The following SUPT3H variants were observed in gnomAD, a reference collection of about 807,000 sequenced individuals.
SUPT3H encodes SPT3 homolog, SAGA and STAGA complex component.
In SUPT3H, 44 loss-of-function variants were observed where a neutral mutation model predicts 44.3. The observed-to-expected ratio is 0.99, with a 90% confidence interval of 0.78 to 1.28. The LOEUF (loss-of-function observed/expected upper bound fraction) is 1.28. Ranked by LOEUF, SUPT3H falls within the 50% of genes most tolerant of loss-of-function variation. The probability of loss-of-function intolerance (pLI) is 0.00; values close to 1 mark genes in which losing one functional copy is unlikely to be tolerated. For missense variants in SUPT3H, 380 were observed against 387.1 expected (o/e 0.98, Z 0.15); for synonymous variants, 124 against 125.6 (o/e 0.99, Z 0.09).
Position 45,069,733 on chromosome 6 carries a change from A to T in SUPT3H, c.186+36189T>A, listed in dbSNP as rs74372433. Among the ~76,000 whole-genome samples the T allele has an allele frequency of 5.4e-3, 826 of 152,270 alleles. 12 individuals are homozygous for T. The highest frequency in any genetic ancestry group is 0.019 in the African/African-American group (794 of 41,554). On this transcript the variant is annotated intron_variant, in intron 3 of 10. Transcript: ENST00000371459. ...ATCCATAGATTAACTCAACAAAATT[A>T]TATTTTGCAGAGAACTCTTATTTAT...
intron 2 of SUPT3H, among the ~76,000 whole-genome samples, chr6:45,332,317 A>C (rs1486941371): frequency 6.6e-6 from 1 of 151,646 alleles, no homozygotes; most frequent in Non-Finnish European, 1.5e-5. Flanking sequence ...TTGAAGCAAA[A>C]GGTTAGGGGT....
At chr6:45,335,142 T>C (rs765926971) in intron 2 of SUPT3H, among the ~76,000 whole-genome samples, 3 of 151,206 alleles carry the variant, frequency 2.0e-5, no homozygotes, top group Non-Finnish European at 3.0e-5. Flanking sequence ...ATTTAAGCAT[T>C]GAATTTCTAA....
chr6:45,279,782 A>ATTT (rs1355710808), intron 2 of SUPT3H, among the ~76,000 whole-genome samples: 1 of 152,220 alleles, frequency 6.6e-6, no homozygotes, highest in Non-Finnish European at 1.5e-5. Flanking sequence ...GACATCTATA[A>ATTT]AAGCTATCAT....
At chr6:45,077,347 C>T (rs1487082242) in intron 3 of SUPT3H, among the ~76,000 whole-genome samples, 2 of 152,088 alleles carry the variant, frequency 1.3e-5, no homozygotes, top group Non-Finnish European at 2.9e-5. Context: ...TGTTCATAGG[C>T]TGGGCATGGT....
chr6:45,183,888 G>A (rs1398532057), intron 2 of SUPT3H, among the ~76,000 whole-genome samples: 1 of 152,158 alleles, frequency 6.6e-6, no homozygotes. Flanking sequence ...GATGGAGATG[G>A]CAAAAAGATC....
intron 2 of SUPT3H, among the ~76,000 whole-genome samples, chr6:45,312,086 C>T (rs893386633): frequency 1.3e-5 from 2 of 152,036 alleles, no homozygotes; most frequent in Non-Finnish European, 2.9e-5. Context: ...AGGAGATTCA[C>T]CTAACACATA....
chr6:45,012,600 C>T (rs990673811), intron 5 of SUPT3H, among the ~76,000 whole-genome samples: 2 of 152,194 alleles, frequency 1.3e-5, no homozygotes, highest in East Asian at 1.9e-4. Flanking sequence ...TATTTGAACA[C>T]ATACATAATA....
chr6:45,128,503 C>CAAAAAAAAA (rs1168489460), intron 2 of SUPT3H, among the ~76,000 whole-genome samples: 2 of 12,462 alleles, frequency 1.6e-4, no homozygotes, highest in African/African-American at 9.1e-4. Context: ...GACTCTGTCT[C>CAAAAAAAAA]AAAAAAAAAA....
chr6:44,921,755 C>G (rs1470852030), intron 10 of SUPT3H, among the ~76,000 whole-genome samples: 1 of 151,550 alleles, frequency 6.6e-6, no homozygotes. Flanking sequence ...TCTAACGTCT[C>G]TACTGGAAAC....
At chr6:45,051,659 C>A (rs991885325) in intron 3 of SUPT3H, among the ~76,000 whole-genome samples, 3 of 152,084 alleles carry the variant, frequency 2.0e-5, no homozygotes, top group African/African-American at 7.2e-5. Context: ...TATTCAGCTG[C>A]ATTGGTACAG....
chr6:45,145,023 GAC>G (rs1360513605), intron 2 of SUPT3H, among the ~76,000 whole-genome samples: 4 of 151,906 alleles, frequency 2.6e-5, no homozygotes, highest in African/African-American at 9.7e-5. Flanking sequence ...AATCACCAAT[GAC>G]ACAAATAGAA....
At chr6:45,182,450 TG>T (rs1813443841) in intron 2 of SUPT3H, among the ~76,000 whole-genome samples, 2 of 152,066 alleles carry the variant, frequency 1.3e-5, no homozygotes, top group African/African-American at 4.8e-5. Context: ...TTAGTAGAGA[TG>T]GGGTTTCACC....
At chr6:45,080,928 T>C (rs1294111030) in intron 3 of SUPT3H, among the ~76,000 whole-genome samples, 3 of 151,978 alleles carry the variant, frequency 2.0e-5, no homozygotes, top group African/African-American at 7.2e-5. Flanking sequence ...AGAGTATAAA[T>C]GGATTGCAGT....
In SUPT3H at chr6:45,365,186, C is replaced by T; in HGVS notation, c.101+15G>A. On this transcript the variant is annotated intron_variant, in intron 2 of 10. Coordinates refer to ENST00000371459, the MANE Select transcript of SUPT3H (RefSeq NM_003599.4). Reference sequence around the variant, plus strand: ...TTAAAATAGTAATAGCAATAGCATGCAGGGACATACTTACATCATACTCTG... The same window carrying T: ...TTAAAATAGTAATAGCAATAGCATGTAGGGACATACTTACATCATACTCTG... 6.7e-7 allele frequency: 1 copy of T among 1,482,442 alleles called. No individual in the cohort carries two copies. The allele number at this position is 1,482,442 out of a possible 1,614,324, so 91.8% of individuals were successfully genotyped here.
chr6:45,248,032 A>G (rs1771678909), intron 2 of SUPT3H, among the ~76,000 whole-genome samples: 1 of 152,172 alleles, frequency 6.6e-6, no homozygotes, highest in Non-Finnish European at 1.5e-5. Flanking sequence ...ATGCAGAAAA[A>G]ATGAATATTG....
chr6:44,900,836 C>T lies in SUPT3H; in HGVS notation c.912+31817G>A, dbSNP rs534110755. 1.1e-4 allele frequency among the ~76,000 whole-genome samples: 16 copies of T among 152,282 alleles called. 1 individual carries two copies. The highest frequency in any genetic ancestry group is 3.4e-3 in the Middle Eastern group (1 of 294). Reference sequence around the variant, plus strand: ...CCCTGAGACAAAACTTCCAGAGGAACGATCAGGCAGCAACATTTGATGCTC... The same window carrying T: ...CCCTGAGACAAAACTTCCAGAGGAATGATCAGGCAGCAACATTTGATGCTC... On this transcript the variant is annotated intron_variant, in intron 10 of 10. Coordinates refer to ENST00000371459, the MANE Select transcript of SUPT3H (RefSeq NM_003599.4).
chr6:45,121,953 G>C (rs996865140), intron 2 of SUPT3H, among the ~76,000 whole-genome samples: 1 of 151,948 alleles, frequency 6.6e-6, no homozygotes, highest in Admixed American at 6.6e-5. Flanking sequence ...TGGGATTACA[G>C]GCGTGAGCCA....
intron 4 of SUPT3H, among the ~76,000 whole-genome samples, chr6:45,016,318 T>A (rs1442060136): frequency 6.6e-6 from 1 of 151,898 alleles, no homozygotes; most frequent in Admixed American, 6.6e-5. Context: ...ACTATAATTG[T>A]TTTTTAAATT....
chr6:45,147,973 A>G (rs1465643832), intron 2 of SUPT3H, among the ~76,000 whole-genome samples: 1 of 152,182 alleles, frequency 6.6e-6, no homozygotes, highest in Non-Finnish European at 1.5e-5. Context: ...TTAAGCAATA[A>G]GAACATGCTA....
Sources: gnomAD v4.1 joint callset for allele counts (sites outside exome capture counted in the v4.1 genomes callset) on GRCh38, gnomAD v4.1.1 for gene constraint, MANE v1.5 for transcripts, NCBI Gene and HGNC (gene_info 2026-07-23, HGNC 2026-07-21) for gene names.